Variants in TSHZ3 observed in about 807,000 individuals in gnomAD.
TSHZ3 encodes the protein teashirt zinc finger homeobox 3, also known as teashirt homolog 3.
In TSHZ3, 10 loss-of-function variants were observed where a neutral mutation model predicts 64.5. That is an observed-to-expected ratio of 0.16 (90% confidence interval 0.10 to 0.26). The LOEUF (loss-of-function observed/expected upper bound fraction) is 0.26, where lower values mean the gene tolerates loss of function less well. TSHZ3 is among the 10% of genes least tolerant of loss of function. TSHZ3 has a pLI of 1.00. For synonymous variants in TSHZ3, 608 were observed against 593.1 expected (o/e 1.03, Z -0.36); for missense variants, 1,242 against 1,421.7 (o/e 0.87, Z 2.03).
intron 5 of TSHZ3, among the ~76,000 whole-genome samples, chr19:31,158,859 G>A (rs574075150): frequency 5.9e-5 from 9 of 151,988 alleles, no homozygotes; most frequent in Non-Finnish European, 1.2e-4. Context: ...TATGAGAATC[G>A]AATGTTACTG....
intron 4 of TSHZ3, among the ~76,000 whole-genome samples, chr19:31,213,957 T>C (rs1204958952): frequency 6.6e-6 from 1 of 152,236 alleles, no homozygotes; most frequent in Non-Finnish European, 1.5e-5. Flanking sequence ...TTATTTTTTA[T>C]TTTATTCTTA....
At chr19:31,295,836 T>C (rs1017122405) in intron 1 of TSHZ3, among the ~76,000 whole-genome samples, 3 of 150,648 alleles carry the variant, frequency 2.0e-5, no homozygotes, top group Non-Finnish European at 4.4e-5. Flanking sequence ...CATGGCCATA[T>C]TGTGTGATGC....
At chr19:31,320,218 C>T (rs1300432583) in intron 1 of TSHZ3, among the ~76,000 whole-genome samples, 1 of 152,098 alleles carries the variant, frequency 6.6e-6, no homozygotes, top group Non-Finnish European at 1.5e-5. Flanking sequence ...CTCAGGCAGG[C>T]GGTGGGTAAA....
intron 4 of TSHZ3, among the ~76,000 whole-genome samples, chr19:31,205,910 T>C (rs1432848920): frequency 6.6e-6 from 1 of 152,226 alleles, no homozygotes; most frequent in Non-Finnish European, 1.5e-5. Flanking sequence ...TGTTCTATTC[T>C]TGGGGAAATT....
At chr19:31,171,719 A>C (rs1035645061) in intron 5 of TSHZ3, among the ~76,000 whole-genome samples, 1 of 152,128 alleles carries the variant, frequency 6.6e-6, no homozygotes, top group South Asian at 2.1e-4. Flanking sequence ...CTAAGGCCTC[A>C]TACTCCCTGT....
downstream of TSHZ3, among the ~76,000 whole-genome samples, chr19:31,271,042 C>CT: frequency 6.6e-6 from 1 of 152,172 alleles, no homozygotes; most frequent in Admixed American, 6.5e-5. Context: ...AAGCCGTGGA[C>CT]TTATCTAAGT....
At chr19:31,338,477 G>A (rs753412983) in intron 1 of TSHZ3, among the ~76,000 whole-genome samples, 6 of 151,580 alleles carry the variant, frequency 4.0e-5, no homozygotes, top group African/African-American at 9.7e-5. Flanking sequence ...AAGTCTTTAC[G>A]TTTCTTCATT....
rs371076291 is a variant in TSHZ3 at position 31,340,291 on chromosome 19, C to T, written c.40+8889G>A. ...AAAGATCAAAAACATTACTCAACTC[C>T]GACAGAATCTTATGGAGGAACATTA... On this transcript the variant is annotated intron_variant, in intron 1 of 1. Coordinates refer to ENST00000240587, the MANE Select transcript of TSHZ3 (RefSeq NM_020856.4). Among the ~76,000 whole-genome samples the T allele has an allele frequency of 1.3e-4, 17 of 128,896 alleles. No homozygotes were observed. In the South Asian group the frequency reaches 2.5e-3, roughly 19 times the overall value. 84.6% of individuals were successfully genotyped at this position (128,896 alleles called of 152,430 possible).
At chr19:31,212,213 T>G (rs1395342618) in intron 4 of TSHZ3, among the ~76,000 whole-genome samples, 1 of 151,992 alleles carries the variant, frequency 6.6e-6, no homozygotes, top group Non-Finnish European at 1.5e-5. Context: ...ACCAGCAATT[T>G]GGGAGGCCAA....
chr19:31,203,478 T>C (rs956161691), intron 5 of TSHZ3, among the ~76,000 whole-genome samples: 2 of 151,894 alleles, frequency 1.3e-5, no homozygotes, highest in African/African-American at 4.8e-5. Context: ...GAAAACAGAC[T>C]GTAGGGCACA....
chr19:31,331,277 G>C (rs537151031), intron 1 of TSHZ3, among the ~76,000 whole-genome samples: 40 of 152,242 alleles, frequency 2.6e-4, no homozygotes, highest in African/African-American at 9.1e-4. Context: ...CTCATAGTAA[G>C]CACTTTATTA....
At chr19:31,270,211 C>T (rs1976116529), downstream of TSHZ3, among the ~76,000 whole-genome samples, 1 of 152,202 alleles carries the variant, frequency 6.6e-6, no homozygotes, top group Non-Finnish European at 1.5e-5. Context: ...TGCCTGTGCC[C>T]ATATTGGCAG....
intron 1 of TSHZ3, among the ~76,000 whole-genome samples, chr19:31,286,635 C>T (rs957528766): frequency 9.2e-5 from 14 of 152,222 alleles, no homozygotes; most frequent in Admixed American, 9.2e-4. Context: ...GGGGCATTTG[C>T]CTGAACTCCT....
intron 5 of TSHZ3, among the ~76,000 whole-genome samples, chr19:31,193,090 G>T (rs1387062725): frequency 6.6e-6 from 1 of 152,178 alleles, no homozygotes; most frequent in Non-Finnish European, 1.5e-5. Flanking sequence ...TCATGTTGCT[G>T]ATGAAAGGGA....
intron 1 of TSHZ3, among the ~76,000 whole-genome samples, chr19:31,321,650 G>A (rs1406582509): frequency 6.6e-6 from 1 of 152,164 alleles, no homozygotes; most frequent in Non-Finnish European, 1.5e-5. Context: ...CACAACAGCA[G>A]GCCCGACGTG....
At chr19:31,216,666 T>TC (rs1975336204) in intron 4 of TSHZ3, among the ~76,000 whole-genome samples, 1 of 150,928 alleles carries the variant, frequency 6.6e-6, no homozygotes, top group African/African-American at 2.4e-5. Context: ...AGATGGAGTC[T>TC]CACTCTGCCA....
downstream of TSHZ3, among the ~76,000 whole-genome samples, chr19:31,272,937 C>A (rs756566822): frequency 6.6e-6 from 1 of 152,092 alleles, no homozygotes; most frequent in African/African-American, 2.4e-5. Flanking sequence ...CTGACTTGGG[C>A]GACCAATGCC....
chr19:31,324,249 T>C (rs1250536758), intron 1 of TSHZ3, among the ~76,000 whole-genome samples: 1 of 152,226 alleles, frequency 6.6e-6, no homozygotes, highest in African/African-American at 2.4e-5. Context: ...GAGTTTTCCA[T>C]CATTATAAAT....
intron 5 of TSHZ3, among the ~76,000 whole-genome samples, chr19:31,159,445 G>A (rs1007341592): frequency 5.3e-5 from 8 of 152,100 alleles, no homozygotes; most frequent in East Asian, 1.9e-4. Flanking sequence ...GAACACCTTC[G>A]GGGAGGTCTT....
Sources: gnomAD v4.1 joint callset for allele counts (sites outside exome capture counted in the v4.1 genomes callset) on GRCh38, gnomAD v4.1.1 for gene constraint, MANE v1.5 for transcripts, NCBI Gene and HGNC (gene_info 2026-07-23, HGNC 2026-07-21) for gene names.